ITPA: variants seen among roughly 807,000 people sequenced by gnomAD.
ITPA encodes the protein inosine triphosphatase.
A neutral mutation model predicts 29.6 loss-of-function variants in ITPA; 29 were observed. The ratio of observed to expected loss-of-function variants is 0.98; its 90% CI spans 0.73 to 1.34. The LOEUF is 1.34. Among genes scored for constraint, ITPA ranks in the 40% most tolerant of loss-of-function variants. The probability of loss-of-function intolerance (pLI) is 0.00; values close to 1 mark genes in which losing one functional copy is unlikely to be tolerated. For missense variants in ITPA, 241 were observed against 251.5 expected (o/e 0.96, Z 0.28); for synonymous variants, 103 against 99.3 (o/e 1.04, Z -0.22).
At chr20:3,217,083 G>T (rs976090819) in intron 5 of ITPA, among the ~76,000 whole-genome samples, 3 of 151,616 alleles carry the variant, frequency 2.0e-5, no homozygotes, top group African/African-American at 7.3e-5. Context: ...GTTTCACCAC[G>T]TTGGCCATGC....
upstream of ITPA, among the ~76,000 whole-genome samples, chr20:3,208,012 A>G (rs1482926702): frequency 6.7e-6 from 1 of 148,168 alleles, no homozygotes; most frequent in East Asian, 2.0e-4. Flanking sequence ...AAAAAAAAAA[A>G]AGAAAAAGAG....
Position 3,213,208 on chromosome 20 carries a change from G to A in ITPA, c.106G>A (p.Val36Met), listed in dbSNP as rs1476134616. The A allele has an allele frequency of 6.2e-7, 1 of 1,614,174 alleles. No homozygotes were observed. Among genetic ancestry groups the A allele is most frequent in the South Asian group, 1.1e-5 (1 of 91,090 alleles). ...AGGAGATAAGTTTCCATGCACTTTG[G>A]TGGCACAGAAAATTGACCGTATGTC... is the stretch of plus-strand genomic sequence containing the variant. ...ILGDKFPCTL[V>M]AQKIDLPEYQ... The change falls in exon 2 of 8, where the codon GTG (valine) becomes ATG (methionine). Residue 36 changes from valine (V) to methionine (M), a missense_variant. Transcript: ENST00000380113.
chr20:3,209,740 A>ACC lies in ITPA; in HGVS notation c.66+123_66+124insCC. The ACC allele has an allele frequency of 1.3e-6, 1 of 796,444 alleles. No individual in the cohort carries two copies. The allele number at this position is 796,444 out of a possible 1,614,324, so 49.3% of individuals were successfully genotyped here. Reference sequence around the variant, plus strand: ...GAGAGAACAGAATTCAGCCCGGAAGAATGGGTCCTGACCCGGCTGTGTGGA... The same window carrying ACC: ...GAGAGAACAGAATTCAGCCCGGAAGACCATGGGTCCTGACCCGGCTGTGTGGA... On this transcript the variant is annotated intron_variant, in intron 1 of 7. Transcript: ENST00000380113. This position sits in a 1 kb window ranked among gnomAD's most constrained non-coding sequence, Gnocchi z 4.6.
chr20:3,215,796 C>T (rs962589275), intron 5 of ITPA, among the ~76,000 whole-genome samples: 1 of 152,272 alleles, frequency 6.6e-6, no homozygotes, highest in Admixed American at 6.5e-5. Flanking sequence ...AGCGATTCTC[C>T]TGCCTTAGCC....
intron 6 of ITPA, among the ~76,000 whole-genome samples, chr20:3,220,527 C>A (rs2067434644): frequency 6.6e-6 from 1 of 151,940 alleles, no homozygotes; most frequent in African/African-American, 2.4e-5. Context: ...TCATGTACCA[C>A]CTCCGTTGTA....
chr20:3,218,151 C>T (rs1435684669), intron 5 of ITPA, among the ~76,000 whole-genome samples: 1 of 152,104 alleles, frequency 6.6e-6, no homozygotes, highest in Non-Finnish European at 1.5e-5. Flanking sequence ...ATCTCCTGAC[C>T]TCATAATCTG....
upstream of ITPA, chr20:3,209,412 C>G (rs2067118763): frequency 2.5e-6 from 2 of 810,414 alleles, no homozygotes; most frequent in Admixed American, 2.0e-5. The surrounding 1 kb of genome is among the most constrained non-coding windows in gnomAD (Gnocchi z 4.6). Flanking sequence ...TCGCCCGATA[C>G]GCGCCTTGGG....
In ITPA at chr20:3,213,255, A is replaced by G. The variant is rs750870460; in HGVS notation, c.124+29A>G. On this transcript the variant is annotated intron_variant, in intron 2 of 7. Transcript: ENST00000380113. ...TGTCTCTGTTTTGTTTTATTTTTAA[A>G]AGATGGTTGGATTTCTCTGTCTTCC... 8 of 1,614,188 alleles carry G rather than the reference A, an allele frequency of 5.0e-6. No homozygotes were observed. In the South Asian group the frequency reaches 8.8e-5, roughly 18 times the overall value.
rs568517596 is a variant in ITPA at position 3,215,929 on chromosome 20, G to A, written c.295+617G>A. On this transcript the variant is annotated intron_variant, in intron 5 of 7. Coordinates refer to ENST00000380113, the MANE Select transcript of ITPA (RefSeq NM_033453.4). ...TCGAACACCTGACCTCAAGTGATCCGCCTACCTTGGCCTCCCAGAGTGCTG... is the reference window on the plus strand; with the variant it reads ...TCGAACACCTGACCTCAAGTGATCCACCTACCTTGGCCTCCCAGAGTGCTG... 1.4e-4 allele frequency among the ~76,000 whole-genome samples: 21 copies of A among 152,170 alleles called. No homozygotes were observed. The East Asian group carries it at 3.5e-3, about 25-fold the overall frequency.
intron 5 of ITPA, 110 bp from the exon 6 acceptor site, chr20:3,218,407 A>G (rs1473521664): frequency 5.0e-6 from 4 of 795,162 alleles, no homozygotes; most frequent in Non-Finnish European, 8.8e-6. Context: ...ATTGAGACCT[A>G]ATTTCCCCTT....
downstream of ITPA, among the ~76,000 whole-genome samples, chr20:3,225,042 A>G (rs2122471916): frequency 6.6e-6 from 1 of 152,248 alleles, no homozygotes; most frequent in Non-Finnish European, 1.5e-5. Flanking sequence ...TTGTCTCTGC[A>G]AAAATACAAA....
At chr20:3,209,231 A>G (rs1378364490), upstream of ITPA, 4 of 406,348 alleles carry the variant, frequency 9.8e-6, no homozygotes, top group African/African-American at 7.3e-5. This position sits in a 1 kb window ranked among gnomAD's most constrained non-coding sequence, Gnocchi z 4.6. Context: ...CCTTTCGGAG[A>G]CCCCATTGCA....
At chr20:3,209,319 G>A (rs1362966813), upstream of ITPA, 1 of 608,518 alleles carries the variant, frequency 1.6e-6, no homozygotes, top group Non-Finnish European at 3.0e-6. This position sits in a 1 kb window ranked among gnomAD's most constrained non-coding sequence, Gnocchi z 4.6. Flanking sequence ...CCTTAGGCAG[G>A]AGGGGTGGGT....
downstream of ITPA, among the ~76,000 whole-genome samples, chr20:3,226,517 GTGGGCTTACGTTTCTCTAA>G (rs1258959173): frequency 1.1e-4 from 16 of 152,306 alleles, no homozygotes; most frequent in South Asian, 2.9e-3. This position sits in a 1 kb window ranked among gnomAD's most constrained non-coding sequence, Gnocchi z 4.4. Flanking sequence ...GGCGTCTCAT[GTGGGCTTACGTTTCTCTAA>G]TTACCAAGGG....
chr20:3,206,421 C>T (rs960218424), upstream of ITPA, among the ~76,000 whole-genome samples: 5 of 146,796 alleles, frequency 3.4e-5, no homozygotes, highest in Non-Finnish European at 6.0e-5. Flanking sequence ...AGCTGGGCAC[C>T]GTGGCTCACG....
upstream of ITPA, among the ~76,000 whole-genome samples, chr20:3,208,093 ATATC>A (rs2067096133): frequency 6.6e-6 from 1 of 152,086 alleles, no homozygotes; most frequent in African/African-American, 2.4e-5. Context: ...ACACAAATGA[ATATC>A]TATTTGCAGT....
chr20:3,205,139 C>G (rs989575768), upstream of ITPA, among the ~76,000 whole-genome samples: 1 of 152,126 alleles, frequency 6.6e-6, no homozygotes, highest in African/African-American at 2.4e-5. Flanking sequence ...CGTGAGCCAC[C>G]GCGCCCGGAC....
At chr20:3,217,280 T>A (rs1320320805) in intron 5 of ITPA, among the ~76,000 whole-genome samples, 1 of 152,168 alleles carries the variant, frequency 6.6e-6, no homozygotes, top group Non-Finnish European at 1.5e-5. Flanking sequence ...CAGTTATTAT[T>A]TGTCAATTAA....
intron 4 of ITPA, among the ~76,000 whole-genome samples, chr20:3,214,540 G>A (rs918903408): frequency 2.0e-5 from 3 of 149,572 alleles, no homozygotes; most frequent in Admixed American, 1.3e-4. Context: ...CTAATTTTTT[G>A]TATTTATTTA....
Sources: allele counts gnomAD v4.1 joint callset (sites outside exome capture counted in the v4.1 genomes callset), GRCh38; gene constraint gnomAD v4.1.1; non-coding constraint Gnocchi (gnomAD v3.1); transcripts MANE v1.5; gene names NCBI Gene and HGNC (gene_info 2026-07-23, HGNC 2026-07-21).